The following DLGAP2 variants were observed in gnomAD, a reference collection of about 807,000 sequenced individuals.
The protein encoded by DLGAP2 is DLG associated protein 2, also known as disks large-associated protein 2.
DLGAP2 carries 26 observed loss-of-function variants against 100.3 expected under a neutral mutation model. The ratio of observed to expected loss-of-function variants is 0.26; its 90% CI spans 0.19 to 0.36. The LOEUF is 0.36. Ranked by LOEUF, DLGAP2 falls within the 10% of genes least tolerant of loss-of-function variation. DLGAP2 has a pLI of 1.00. For synonymous variants in DLGAP2, 886 were observed against 630.1 expected (o/e 1.41, Z -6.08); for missense variants, 1,858 against 1,453.2 (o/e 1.28, Z -4.53).
rs1196560416 is a variant in DLGAP2, at chr8:775,376, C to T, written c.18+37551C>T. ...TGCCTAATTGCCCTGGCCAGAACTTCCAACACTGTGTTGAATAGGAGTGGT... is the reference window on the plus strand; with the variant it reads ...TGCCTAATTGCCCTGGCCAGAACTTTCAACACTGTGTTGAATAGGAGTGGT... On this transcript the variant is annotated intron_variant, in intron 1 of 14. Transcript: ENST00000637795. 1.4e-4 allele frequency among the ~76,000 whole-genome samples: 21 copies of T among 150,082 alleles called. No homozygotes were observed. In the Admixed American group the frequency reaches 1.4e-3, roughly 10 times the overall value.
At chr8:848,874 T>TCTGTTCCAGCATAGGAACGCGCGGTGC (rs71202670) in intron 1 of DLGAP2, among the ~76,000 whole-genome samples, 31 of 129,812 alleles carry the variant, frequency 2.4e-4, no homozygotes, top group Admixed American at 3.1e-4. Context: ...TCGCGCGGTG[T>TCTGTTCCAGCATAGGAACGCGCGGTGC]CTGTTCCAGC....
rs1199464976 is a variant in DLGAP2 at position 1,668,645 on chromosome 8, C to A, written c.2127C>A (p.Leu709=). 3 of 1,582,190 alleles carry A rather than the reference C, an allele frequency of 1.9e-6. No individual in the cohort carries two copies. The highest frequency in any genetic ancestry group is 2.6e-6 in the Non-Finnish European group (3 of 1,163,984). The change falls in exon 9 of 15, where the codon CTC becomes CTA. Residue 709 remains leucine (L), a synonymous_variant. Coordinates refer to ENST00000637795, the MANE Select transcript of DLGAP2 (RefSeq NM_001346810.2). ...TCCTGGTGTCCAAGGCGGAGGAGCT[C>A]CTCAAGAGCCGCTGCTCCTCCATCG... ...KAILVSKAEE[L]LKSRCSSIGI...
intron 2 of DLGAP2, among the ~76,000 whole-genome samples, chr8:1,042,204 G>C (rs1413983771): frequency 6.6e-6 from 1 of 152,200 alleles, no homozygotes; most frequent in Non-Finnish European, 1.5e-5. Context: ...GGCTTTCCCA[G>C]GGAGGCTGCT....
At chr8:1,457,514 A>G (rs1268477420) in intron 3 of DLGAP2, among the ~76,000 whole-genome samples, 1 of 152,236 alleles carries the variant, frequency 6.6e-6, no homozygotes, top group African/African-American at 2.4e-5. Context: ...TACTTTGAAT[A>G]CTAATAGGAC....
In DLGAP2 at chr8:839,436, T is replaced by G. The variant is rs552212984; in HGVS notation, c.19-68476T>G. Among the ~76,000 whole-genome samples the G allele has an allele frequency of 2.0e-5, 3 of 152,314 alleles. No homozygotes were observed. In the South Asian group the frequency reaches 6.2e-4, roughly 32 times the overall value. On this transcript the variant is annotated intron_variant, in intron 1 of 14. Coordinates refer to ENST00000637795, the MANE Select transcript of DLGAP2 (RefSeq NM_001346810.2). ...AAGACATTTCTGTCATTTGGAGGAA[T>G]CTGGAGGACTTTATGCTGAGCGAAA... is the stretch of plus-strand genomic sequence containing the variant.
intron 2 of DLGAP2, among the ~76,000 whole-genome samples, chr8:967,177 G>A (rs1799892353): frequency 6.6e-6 from 1 of 152,236 alleles, no homozygotes; most frequent in Non-Finnish European, 1.5e-5. Context: ...CACTGCCTGT[G>A]TCATGTGCTC....
chr8:937,311 G>C (rs1383405813), intron 2 of DLGAP2, among the ~76,000 whole-genome samples: 5 of 152,132 alleles, frequency 3.3e-5, no homozygotes, highest in Non-Finnish European at 5.9e-5. Context: ...ACCATATTAA[G>C]ATCAAAACAA....
At chr8:1,293,100 T>G (rs1025942373) in intron 3 of DLGAP2, among the ~76,000 whole-genome samples, 1 of 152,198 alleles carries the variant, frequency 6.6e-6, no homozygotes, top group African/African-American at 2.4e-5. Flanking sequence ...GGGGTACTCA[T>G]GAGCAGGGTC....
intron 1 of DLGAP2, among the ~76,000 whole-genome samples, chr8:866,789 A>T (rs933082680): frequency 3.9e-5 from 6 of 151,974 alleles, no homozygotes; most frequent in Non-Finnish European, 7.4e-5. Context: ...CCTTTCTATG[A>T]CTCAGACTGG....
At chr8:1,246,164 A>G (rs60366492) in intron 2 of DLGAP2, among the ~76,000 whole-genome samples, 31,109 of 152,158 alleles carry the variant, frequency 0.2, 4,137 homozygotes, top group African/African-American at 0.37. Flanking sequence ...TAATTACTCC[A>G]TAGCCCTTGG....
intron 4 of DLGAP2, among the ~76,000 whole-genome samples, chr8:1,531,533 C>G (rs147500825): frequency 2.6e-5 from 4 of 151,968 alleles, no homozygotes; most frequent in African/African-American, 7.3e-5. Flanking sequence ...GAAATGTTTT[C>G]TTATTTACAG....
intron 3 of DLGAP2, among the ~76,000 whole-genome samples, chr8:1,312,964 G>A (rs1000238619): frequency 1.3e-5 from 2 of 152,224 alleles, no homozygotes; most frequent in Non-Finnish European, 2.9e-5. Context: ...CTCAAAGATA[G>A]TGTGTCTCAT....
intron 2 of DLGAP2, among the ~76,000 whole-genome samples, chr8:1,230,889 CA>C (rs1798521813): frequency 6.6e-6 from 1 of 152,098 alleles, no homozygotes; most frequent in Admixed American, 6.5e-5. Flanking sequence ...TGTAAGACCT[CA>C]AACTTCAAGA....
chr8:1,313,812 G>C (rs1800666824), intron 3 of DLGAP2, among the ~76,000 whole-genome samples: 1 of 152,068 alleles, frequency 6.6e-6, no homozygotes, highest in African/African-American at 2.4e-5. Flanking sequence ...TCCAAGTTCA[G>C]CTGGCGCCAA....
intron 2 of DLGAP2, among the ~76,000 whole-genome samples, chr8:1,055,941 G>C (rs756378277): frequency 1.3e-5 from 2 of 152,220 alleles, no homozygotes; most frequent in Non-Finnish European, 2.9e-5. Context: ...CTAAAGAAAA[G>C]AGTGGGTTGG....
At chr8:1,117,498 G>A (rs922793153) in intron 2 of DLGAP2, among the ~76,000 whole-genome samples, 10 of 152,136 alleles carry the variant, frequency 6.6e-5, no homozygotes, top group African/African-American at 1.4e-4. Flanking sequence ...TGGGGTGGAC[G>A]CTGTGTAGGA....
At chr8:1,241,104 G>A (rs1250438952) in intron 2 of DLGAP2, among the ~76,000 whole-genome samples, 11 of 111,426 alleles carry the variant, frequency 9.9e-5, no homozygotes, top group Non-Finnish European at 1.1e-4. Flanking sequence ...ACATGGCGCC[G>A]TGTCTGGTTC....
chr8:1,516,485 G>T (rs944143227), intron 4 of DLGAP2, among the ~76,000 whole-genome samples: 1 of 151,884 alleles, frequency 6.6e-6, no homozygotes, highest in Non-Finnish European at 1.5e-5. Flanking sequence ...CTGAGTGAAA[G>T]AGTACATGAA....
intron 1 of DLGAP2, among the ~76,000 whole-genome samples, chr8:771,957 C>T (rs1278460778): frequency 6.6e-6 from 1 of 152,164 alleles, no homozygotes; most frequent in Non-Finnish European, 1.5e-5. Context: ...GGCTGGAGTG[C>T]AGTGGCACCA....
Sources: gnomAD v4.1 joint callset for allele counts (sites outside exome capture counted in the v4.1 genomes callset) on GRCh38, gnomAD v4.1.1 for gene constraint, MANE v1.5 for transcripts, NCBI Gene and HGNC (gene_info 2026-07-23, HGNC 2026-07-21) for gene names.